L3MBTL4: variants seen among roughly 807,000 people sequenced by gnomAD.
L3MBTL4 encodes the protein lethal(3)malignant brain tumor-like protein 4.
A neutral mutation model predicts 84.5 loss-of-function variants in L3MBTL4; 70 were observed. The ratio of observed to expected loss-of-function variants is 0.83; its 90% CI spans 0.68 to 1.01. The LOEUF is 1.01. Ranked by LOEUF, L3MBTL4 falls within the 50% of genes least tolerant of loss-of-function variation. The pLI, the probability that L3MBTL4 is intolerant of heterozygous loss-of-function variation, is 0.00. For missense variants in L3MBTL4, 715 were observed against 754.8 expected, an observed-to-expected ratio of 0.95 and a Z score of 0.62; for synonymous variants, 274 against 259.8, an observed-to-expected ratio of 1.05 and a Z score of -0.52.
intron 16 of L3MBTL4, among the ~76,000 whole-genome samples, chr18:6,045,944 A>G (rs1206650428): frequency 3.3e-5 from 5 of 152,154 alleles, no homozygotes; most frequent in Non-Finnish European, 2.9e-5. Flanking sequence ...CAGAGTTGCA[A>G]ATTGGACAAA....
chr18:6,037,113 G>C (rs1028949131), intron 16 of L3MBTL4, among the ~76,000 whole-genome samples: 2 of 152,210 alleles, frequency 1.3e-5, no homozygotes, highest in African/African-American at 4.8e-5. Flanking sequence ...GTGATCGGAA[G>C]CAGCAATCAG....
intron 1 of L3MBTL4, chr18:6,394,948 C>G (rs2055207747): frequency 1.3e-5 from 2 of 152,162 alleles, no homozygotes; most frequent in Admixed American, 1.3e-4. Context: ...CTTCAATACA[C>G]AAAAGAATAT....
chr18:6,194,278 C>T (rs765796066), intron 12 of L3MBTL4, among the ~76,000 whole-genome samples: 14 of 152,112 alleles, frequency 9.2e-5, no homozygotes, highest in Non-Finnish European at 2.1e-4. Flanking sequence ...GACAGTGACT[C>T]AGCGAGGGAG....
At chr18:5,985,784 T>C (rs1159866525) in intron 16 of L3MBTL4, among the ~76,000 whole-genome samples, 2 of 152,064 alleles carry the variant, frequency 1.3e-5, no homozygotes, top group Non-Finnish European at 2.9e-5. Context: ...AGCACGAGAC[T>C]AGGGAAAGAC....
chr18:6,135,117 T>C (rs1288358546), intron 14 of L3MBTL4, among the ~76,000 whole-genome samples: 1 of 152,270 alleles, frequency 6.6e-6, no homozygotes, highest in African/African-American at 2.4e-5. Flanking sequence ...GCTTGGGACT[T>C]CCACCCTCTG....
chr18:5,983,015 A>C (rs765825968), intron 16 of L3MBTL4, among the ~76,000 whole-genome samples: 8 of 152,178 alleles, frequency 5.3e-5, no homozygotes, highest in Non-Finnish European at 1.2e-4. Context: ...AAAGATGACA[A>C]TTTCCTTAAG....
At chr18:6,213,076 T>C in intron 12 of L3MBTL4, 73 bp downstream of exon 12, 1 of 771,780 alleles carries the variant, frequency 1.3e-6, no homozygotes. Flanking sequence ...GTTCAGAGAA[T>C]GGGAGGGTAG....
At position 6,414,711 on chromosome 18, in the gene L3MBTL4, C is replaced by G. The variant is rs2056123873; in HGVS notation, c.-91+90G>C. ...GGAGTCGTGCAGGCCCCTCTACCTG[C>G]CCGGGGATGGGGCCACCCCGCGCGG... On this transcript the variant is annotated intron_variant, in intron 1 of 18. Transcript: ENST00000317931. This position sits in a 1 kb window ranked among gnomAD's most constrained non-coding sequence, Gnocchi z 5.4. 5 of 152,044 alleles carry G rather than the reference C, an allele frequency of 3.3e-5. No homozygotes were observed. The highest frequency in any genetic ancestry group is 1.2e-4 in the African/African-American group (5 of 41,530). The allele number at this position is 152,044 out of a possible 1,614,324, so 9.4% of individuals were successfully genotyped here.
chr18:6,175,464 C>T (rs2044186034), intron 12 of L3MBTL4, among the ~76,000 whole-genome samples: 1 of 152,022 alleles, frequency 6.6e-6, no homozygotes, highest in Admixed American at 6.6e-5. Context: ...CTAAGTGATG[C>T]CAGATGAAAA....
At chr18:6,217,357 C>G (rs1488596740) in intron 10 of L3MBTL4, among the ~76,000 whole-genome samples, 2 of 152,134 alleles carry the variant, frequency 1.3e-5, no homozygotes, top group African/African-American at 2.4e-5. Flanking sequence ...TCTGTTTTTC[C>G]CTTTACGTAA....
chr18:6,207,601 C>T (rs2045927801), intron 12 of L3MBTL4, among the ~76,000 whole-genome samples: 1 of 152,096 alleles, frequency 6.6e-6, no homozygotes, highest in East Asian at 1.9e-4. Context: ...TCATGGCTGA[C>T]ACTAATTTAT....
chr18:5,995,456 C>T (rs1166092976), intron 16 of L3MBTL4, among the ~76,000 whole-genome samples: 1 of 152,142 alleles, frequency 6.6e-6, no homozygotes, highest in Non-Finnish European at 1.5e-5. Context: ...TGATTTATGA[C>T]AATTTCATTT....
chr18:6,206,571 C>G (rs1054180838), intron 12 of L3MBTL4, among the ~76,000 whole-genome samples: 2 of 152,096 alleles, frequency 1.3e-5, no homozygotes, highest in Admixed American at 1.3e-4. Context: ...TAGTGCTGCT[C>G]GGCCCGTGTT....
chr18:6,105,450 G>A (rs918890542), intron 14 of L3MBTL4, among the ~76,000 whole-genome samples: 1 of 151,160 alleles, frequency 6.6e-6, no homozygotes, highest in African/African-American at 2.4e-5. Context: ...TCGATCTCCC[G>A]AAGTGCTGGG....
rs758558273 is a variant in L3MBTL4 at position 6,080,879 on chromosome 18, A to G, written c.1444+2T>C. The stretch of plus-strand genomic sequence containing the variant: ...GTGTTTTGCTAGTGTTTTTGTTTTT[A>G]CCTCTGAAGAGATTATCCAAGTCAA... On this transcript the variant is annotated splice_donor_variant, in intron 16 of 18. Transcript: ENST00000317931. LOFTEE classifies it high-confidence loss of function. 1.3e-6 allele frequency: 2 copies of G among 1,595,182 alleles called. No individual in the cohort carries two copies. Among genetic ancestry groups the G allele is most frequent in the South Asian group, 2.3e-5 (2 of 88,622 alleles).
At chr18:6,160,246 G>C (rs962112626) in intron 13 of L3MBTL4, among the ~76,000 whole-genome samples, 1 of 152,198 alleles carries the variant, frequency 6.6e-6, no homozygotes, top group Non-Finnish European at 1.5e-5. Flanking sequence ...AGGAGCCGGC[G>C]TTCATTCCCT....
At chr18:6,304,030 C>CAAAAAAAAAAAAAAAAAAAAAAAA (rs775365285) in intron 3 of L3MBTL4, among the ~76,000 whole-genome samples, 1 of 133,688 alleles carries the variant, frequency 7.5e-6, no homozygotes. Context: ...AAAAAAAAAA[C>CAAAAAAAAAAAAAAAAAAAAAAAA]AAAAAAAAAA....
At chr18:6,170,820 G>C (rs1397252194) in intron 13 of L3MBTL4, among the ~76,000 whole-genome samples, 1 of 152,142 alleles carries the variant, frequency 6.6e-6, no homozygotes, top group Non-Finnish European at 1.5e-5. Context: ...CGAGACCAGA[G>C]GAAACCACAA....
At position 6,138,216 on chromosome 18, in the gene L3MBTL4, G is replaced by A; in HGVS notation, c.1177C>T (p.Pro393Ser). 1 of 1,612,146 alleles carries A rather than the reference G, an allele frequency of 6.2e-7. No individual in the cohort carries two copies. The highest frequency in any genetic ancestry group is 1.1e-5 in the South Asian group (1 of 90,690). Residue 393 changes from proline (P) to serine (S), a missense_variant, in exon 14 of 19, where the codon CCA becomes TCA. By Grantham distance (74) the Pro-to-Ser change is moderately conservative. Coordinates refer to ENST00000317931, the MANE Select transcript of L3MBTL4 (RefSeq NM_001330559.2). Reference protein sequence around the residue: ...GCRGIGHIRGPRYSGHHSAFG... With the variant: ...GCRGIGHIRGSRYSGHHSAFG... ...TACCTGTGATGTCCCGAATAACGTG[G>A]ACCACGGATATGGCCTATTCCTCGG...
Sources: allele counts gnomAD v4.1 joint callset (sites outside exome capture counted in the v4.1 genomes callset), GRCh38; gene constraint gnomAD v4.1.1; non-coding constraint Gnocchi (gnomAD v3.1); transcripts MANE v1.5; gene names NCBI Gene and HGNC (gene_info 2026-07-23, HGNC 2026-07-21).